TANC2: variants seen among roughly 807,000 people sequenced by gnomAD.
The protein encoded by TANC2 is protein TANC2.
In TANC2, 26 loss-of-function variants were observed where a neutral mutation model predicts 210.5. The observed-to-expected ratio is 0.12, with a 90% CI of 0.09 to 0.17. The LOEUF (loss-of-function observed/expected upper bound fraction) is 0.17, where lower values mean the gene tolerates loss of function less well. Ranked by LOEUF, TANC2 falls within the 10% of genes least tolerant of loss-of-function variation. The probability of loss-of-function intolerance (pLI) is 1.00; values close to 1 mark genes in which losing one functional copy is unlikely to be tolerated. For synonymous variants in TANC2, 931 were observed against 967.1 expected (o/e 0.96, Z 0.69); for missense variants, 2,129 against 2,608.9 (o/e 0.82, Z 4.01).
intron 7 of TANC2, among the ~76,000 whole-genome samples, chr17:63,234,370 G>A (rs1464676319): frequency 6.6e-6 from 1 of 152,038 alleles, no homozygotes; most frequent in African/African-American, 2.4e-5. Flanking sequence ...TAATTTCCCA[G>A]ATAACATATA....
chr17:63,371,198 C>G (rs944499287), intron 14 of TANC2, among the ~76,000 whole-genome samples: 2 of 152,170 alleles, frequency 1.3e-5, no homozygotes, highest in Admixed American at 1.3e-4. Flanking sequence ...GGTACGGTGG[C>G]TCACGCCTGT....
chr17:63,371,259 G>A lies in TANC2; in HGVS notation c.2583-8459G>A, dbSNP rs539592302. Among the ~76,000 whole-genome samples, 7 of 152,252 alleles carry A rather than the reference G, an allele frequency of 4.6e-5. No individual in the cohort carries two copies. In the East Asian group the frequency reaches 1.4e-3, roughly 29 times the overall value. ...GCAGGTGGATCACCTGAGGTCAGGA[G>A]TTCAAGACCAGCCTGGCTAACATGG... On this transcript the variant is annotated intron_variant, in intron 14 of 27. Transcript: ENST00000689528.
chr17:63,233,991 C>G (rs2042550820), intron 7 of TANC2, among the ~76,000 whole-genome samples: 1 of 152,056 alleles, frequency 6.6e-6, no homozygotes, highest in South Asian at 2.1e-4. Context: ...GATAAAAGAC[C>G]AAATTTAGGT....
chr17:62,996,999 T>TTTTTTTTTTTTTTTTTTTTTTTTTG (rs1241944607), intron 1 of TANC2, among the ~76,000 whole-genome samples: 5 of 144,130 alleles, frequency 3.5e-5, no homozygotes, highest in African/African-American at 1.3e-4. Context: ...ATTTTTAGTA[T>TTTTTTTTTTTTTTTTTTTTTTTTTG]AGATGGGGTT....
chr17:63,327,369 C>T (rs2045683654), intron 11 of TANC2, among the ~76,000 whole-genome samples: 1 of 152,140 alleles, frequency 6.6e-6, no homozygotes, highest in South Asian at 2.1e-4. Flanking sequence ...ATCCTGCTTC[C>T]AAGTATATAT....
At chr17:63,009,300 G>GTTTT in intron 1 of TANC2, among the ~76,000 whole-genome samples, 1 of 151,898 alleles carries the variant, frequency 6.6e-6, no homozygotes, top group Admixed American at 6.6e-5. Flanking sequence ...TGGGTACATA[G>GTTTT]TAGGTGTATA....
At chr17:63,271,750 AT>A (rs984266389) in intron 9 of TANC2, among the ~76,000 whole-genome samples, 4 of 150,634 alleles carry the variant, frequency 2.7e-5, no homozygotes, top group Non-Finnish European at 4.4e-5. Context: ...TCCTTTGTCC[AT>A]TTTTTTTAAT....
At chr17:63,046,186 G>C (rs982302951) in intron 2 of TANC2, among the ~76,000 whole-genome samples, 2 of 151,454 alleles carry the variant, frequency 1.3e-5, no homozygotes, top group Admixed American at 1.3e-4. Flanking sequence ...TTGAGACAGA[G>C]TCTCACTCTG....
At chr17:63,162,807 GAGA>G (rs2040074389) in intron 5 of TANC2, among the ~76,000 whole-genome samples, 1 of 152,042 alleles carries the variant, frequency 6.6e-6, no homozygotes, top group African/African-American at 2.4e-5. Context: ...TTTGAAGAAA[GAGA>G]AGAAGCCATG....
intron 1 of TANC2, among the ~76,000 whole-genome samples, chr17:62,981,518 T>G (rs929401191): frequency 1.3e-5 from 2 of 152,256 alleles, no homozygotes; most frequent in African/African-American, 4.8e-5. Flanking sequence ...AGTCTCTAGC[T>G]TTGTATCTCA....
chr17:63,349,372 A>AG (rs1369250883), intron 12 of TANC2, among the ~76,000 whole-genome samples: 5 of 152,180 alleles, frequency 3.3e-5, no homozygotes. Flanking sequence ...GATATCCCAA[A>AG]GAAAATCCCA....
At chr17:63,389,720 T>C in intron 17 of TANC2, 176 bp downstream of exon 17, 1 of 661,332 alleles carries the variant, frequency 1.5e-6, no homozygotes, top group Non-Finnish European at 2.6e-6. Context: ...CCATCCATCC[T>C]GCAGGAGCAC....
At chr17:63,175,344 T>G (rs1038907653) in intron 5 of TANC2, among the ~76,000 whole-genome samples, 1 of 151,984 alleles carries the variant, frequency 6.6e-6, no homozygotes, top group African/African-American at 2.4e-5. Context: ...CCTGGCAACC[T>G]AGCAAGATCC....
chr17:62,991,302 G>A (rs1473076903), intron 1 of TANC2, among the ~76,000 whole-genome samples: 1 of 152,134 alleles, frequency 6.6e-6, no homozygotes, highest in Non-Finnish European at 1.5e-5. Context: ...CCCTCTGCGT[G>A]TGTGGGTTCT....
chr17:63,402,912 C>A (rs889913356), intron 19 of TANC2, among the ~76,000 whole-genome samples: 3 of 152,190 alleles, frequency 2.0e-5, no homozygotes, highest in Non-Finnish European at 4.4e-5. Context: ...TTTTGAAAAG[C>A]CCAGACTCCA....
At chr17:63,327,873 A>G (rs1335344402) in intron 11 of TANC2, among the ~76,000 whole-genome samples, 1 of 152,128 alleles carries the variant, frequency 6.6e-6, no homozygotes, top group Non-Finnish European at 1.5e-5. Flanking sequence ...TGCTGCACCC[A>G]TTAACTCATC....
At chr17:63,263,908 A>G (rs1460491452) in intron 8 of TANC2, among the ~76,000 whole-genome samples, 1 of 152,224 alleles carries the variant, frequency 6.6e-6, no homozygotes, top group Non-Finnish European at 1.5e-5. Flanking sequence ...CGACAGGTAT[A>G]TCACTCTGCT....
At position 63,062,618 on chromosome 17, in the gene TANC2, T is replaced by C. The variant is rs1373906826; in HGVS notation, c.68-11325T>C. Among the ~76,000 whole-genome samples, 3 of 152,206 alleles carry C rather than the reference T, an allele frequency of 2.0e-5. No homozygotes were observed. In the East Asian group the frequency reaches 5.8e-4, roughly 29 times the overall value. ...AGTTGCATTCTAGTGATTGCCAGTT[T>C]CGTGGTCTGTCATACACCCTATTGC... is the stretch of plus-strand genomic sequence containing the variant. On this transcript the variant is annotated intron_variant, in intron 2 of 27. Transcript: ENST00000689528.
At chr17:63,334,125 T>A (rs1349293733) in intron 11 of TANC2, 1 of 152,174 alleles carries the variant, frequency 6.6e-6, no homozygotes, top group Non-Finnish European at 1.5e-5. Context: ...CTCTGTTCAG[T>A]GAGAACCCAA....
Sources: allele counts gnomAD v4.1 joint callset (sites outside exome capture counted in the v4.1 genomes callset), GRCh38; gene constraint gnomAD v4.1.1; transcripts MANE v1.5; gene names NCBI Gene and HGNC (gene_info 2026-07-23, HGNC 2026-07-21).